The following QKI variants were observed in gnomAD, a reference collection of about 807,000 sequenced individuals.
QKI encodes KH domain-containing RNA-binding protein QKI.
Under a neutral mutation model 39.0 loss-of-function variants are expected in QKI, and 10 were observed. That is an observed-to-expected ratio of 0.26 (90% CI 0.16 to 0.43). The LOEUF is 0.43. Ranked by LOEUF, QKI falls within the 20% of genes least tolerant of loss-of-function variation. The probability of loss-of-function intolerance (pLI) is 1.00; values close to 1 mark genes in which losing one functional copy is unlikely to be tolerated. For synonymous variants in QKI, 204 were observed against 155.4 expected (o/e 1.31, Z -2.33); for missense variants, 218 against 428.0 (o/e 0.51, Z 4.33).
intron 4 of QKI, among the ~76,000 whole-genome samples, chr6:163,547,582 T>C (rs1781963498): frequency 1.3e-5 from 2 of 152,198 alleles, no homozygotes; most frequent in Non-Finnish European, 2.9e-5. Flanking sequence ...ACATAACATT[T>C]TGAAAACTAA....
Position 163,570,696 on chromosome 6 carries a change from G to A in QKI, c.1012G>A (p.Ala338Thr), listed in dbSNP as rs777133776. 7.5e-6 allele frequency: 12 copies of A among 1,608,214 alleles called. No homozygotes were observed. The highest frequency in any genetic ancestry group is 3.4e-5 in the Admixed American group (2 of 59,386). ...YQRIVTADRA[A>T]TGN Reference sequence around the variant, plus strand: ...TTTTTTTGTTTCTAACCACCCAGCCGCCACCGGCAACTAACCTATGACCTT... The same window carrying A: ...TTTTTTTGTTTCTAACCACCCAGCCACCACCGGCAACTAACCTATGACCTT... The change falls in exon 8 of 8, where the codon GCC becomes ACC. Residue 338 changes from alanine (A) to threonine (T), a missense_variant and splice_region_variant. By Grantham distance (58) the Ala-to-Thr change is moderately conservative. This residue lies in a region of QKI where 117 missense variants were observed against 186.0 expected (regional missense o/e 0.63). Coordinates refer to ENST00000361752, the MANE Select transcript of QKI (RefSeq NM_006775.3).
At chr6:163,554,955 C>A (rs540625117) in intron 4 of QKI, among the ~76,000 whole-genome samples, 54 of 152,290 alleles carry the variant, frequency 3.5e-4, no homozygotes, top group Middle Eastern at 3.4e-3. Flanking sequence ...CTCATAAACC[C>A]CTTTGTTTAA....
chr6:163,441,399 T>C (rs757939670), intron 1 of QKI, among the ~76,000 whole-genome samples: 1 of 152,132 alleles, frequency 6.6e-6, no homozygotes, highest in Non-Finnish European at 1.5e-5. Context: ...ACAAGAAATA[T>C]TTTTGGAGCT....
At chr6:163,528,591 A>C (rs1780659139) in intron 3 of QKI, among the ~76,000 whole-genome samples, 1 of 152,190 alleles carries the variant, frequency 6.6e-6, no homozygotes, top group South Asian at 2.1e-4. Flanking sequence ...CTTGGCAAGC[A>C]GTGTTTGATA....
intron 1 of QKI, among the ~76,000 whole-genome samples, chr6:163,450,485 T>C (rs1790477838): frequency 6.6e-6 from 1 of 152,160 alleles, no homozygotes; most frequent in South Asian, 2.1e-4. Flanking sequence ...TGTTGAAACA[T>C]GAAACCTAAG....
At chr6:163,493,335 G>C (rs762451282) in intron 3 of QKI, among the ~76,000 whole-genome samples, 1 of 151,806 alleles carries the variant, frequency 6.6e-6, no homozygotes, top group African/African-American at 2.4e-5. Context: ...TTTTAATGTT[G>C]GTCAGGCTGT....
chr6:163,427,484 T>TG (rs750713143), intron 1 of QKI, among the ~76,000 whole-genome samples: 42 of 152,060 alleles, frequency 2.8e-4, no homozygotes, highest in East Asian at 7.7e-4. Context: ...CCTTTTTTGG[T>TG]GGGGGGGTCC....
At chr6:163,566,913 T>C in intron 7 of QKI, 118 bp downstream of exon 7, 3 of 1,467,372 alleles carry the variant, frequency 2.0e-6, no homozygotes, top group Non-Finnish European at 2.7e-6. Context: ...TTTTTTCCTT[T>C]TCTAAATTTG....
At chr6:163,495,405 GTGTC>G (rs1778344813) in intron 3 of QKI, among the ~76,000 whole-genome samples, 1 of 152,102 alleles carries the variant, frequency 6.6e-6, no homozygotes, top group African/African-American at 2.4e-5. Context: ...ATGCGCGTGT[GTGTC>G]TGTATGTATG....
chr6:163,561,963 A>G lies in QKI; in HGVS notation c.547-19A>G. 4 of 1,597,474 alleles carry G rather than the reference A, an allele frequency of 2.5e-6. No individual in the cohort carries two copies. The South Asian group carries it at 3.3e-5, about 13-fold the overall frequency. On this transcript the variant is annotated intron_variant, in intron 4 of 7. Transcript: ENST00000361752. ...GGACAGTCTCAAATGCTTTCATCTC[A>G]TGTGTTTTCCATGTATAGGCAGAAG...
chr6:163,445,026 A>G (rs1232364617), intron 1 of QKI, among the ~76,000 whole-genome samples: 2 of 152,010 alleles, frequency 1.3e-5, no homozygotes, highest in South Asian at 2.1e-4. Flanking sequence ...TTTCCACCTC[A>G]GTCTTGAGTA....
chr6:163,419,667 C>CTA (rs1269420100), intron 1 of QKI, among the ~76,000 whole-genome samples: 2 of 152,120 alleles, frequency 1.3e-5, no homozygotes, highest in Non-Finnish European at 2.9e-5. Flanking sequence ...ATTTATTAAA[C>CTA]ATTCATTCTG....
At chr6:163,467,195 A>G (rs965385099) in intron 2 of QKI, among the ~76,000 whole-genome samples, 16 of 152,260 alleles carry the variant, frequency 1.1e-4, no homozygotes, top group African/African-American at 3.6e-4. Context: ...GCGTGGGCAC[A>G]GTAGCTGTGT....
intron 4 of QKI, among the ~76,000 whole-genome samples, chr6:163,547,866 T>C (rs980569765): frequency 2.6e-5 from 4 of 152,138 alleles, no homozygotes; most frequent in African/African-American, 2.4e-5. Context: ...TTTTAATATA[T>C]AGAAATGTCA....
intron 2 of QKI, among the ~76,000 whole-genome samples, chr6:163,474,465 G>A (rs939887331): frequency 6.6e-6 from 1 of 152,052 alleles, no homozygotes; most frequent in Non-Finnish European, 1.5e-5. Context: ...AATGCTGGTT[G>A]TAAGGTTGAT....
At chr6:163,489,389 G>C (rs931886599) in intron 3 of QKI, among the ~76,000 whole-genome samples, 1 of 151,182 alleles carries the variant, frequency 6.6e-6, no homozygotes, top group Non-Finnish European at 1.5e-5. Flanking sequence ...GCAGGAGATT[G>C]AGCATCTGTT....
intron 4 of QKI, among the ~76,000 whole-genome samples, chr6:163,553,109 TA>T (rs1782366529): frequency 1.8e-5 from 2 of 109,016 alleles, no homozygotes; most frequent in African/African-American, 3.0e-5. Context: ...TTTATTTATT[TA>T]TTTATTTTTT....
chr6:163,429,426 C>T (rs1788662940), intron 1 of QKI, among the ~76,000 whole-genome samples: 1 of 151,928 alleles, frequency 6.6e-6, no homozygotes, highest in Non-Finnish European at 1.5e-5. Context: ...AAAATTTTTC[C>T]TTGCCATTTC....
chr6:163,569,553 A>C (rs1783579773), intron 7 of QKI: 2 of 1,191,482 alleles, frequency 1.7e-6, no homozygotes, highest in Admixed American at 6.5e-5. Context: ...AGTTTGGTGA[A>C]GCAGAATGTG....
Sources: allele counts gnomAD v4.1 joint callset (sites outside exome capture counted in the v4.1 genomes callset), GRCh38; gene constraint gnomAD v4.1.1; regional missense constraint gnomAD v4.1.1; transcripts MANE v1.5; gene names NCBI Gene and HGNC (gene_info 2026-07-23, HGNC 2026-07-21).